The following IFT57 variants were observed in gnomAD, a reference collection of about 807,000 sequenced individuals.
IFT57 encodes the protein intraflagellar transport protein 57 homolog.
Under a neutral mutation model 56.8 loss-of-function variants are expected in IFT57, and 59 were observed. That is an observed-to-expected ratio of 1.04 (90% CI 0.84 to 1.29). The LOEUF is 1.29. Among genes scored for constraint, IFT57 ranks in the 50% most tolerant of loss-of-function variants. The pLI is 0.00. For synonymous variants in IFT57, 209 were observed against 186.1 expected (o/e 1.12, Z -1.00); for missense variants, 470 against 522.1 (o/e 0.90, Z 0.97).
At chr3:108,196,901 A>T (rs2108319824) in intron 5 of IFT57, among the ~76,000 whole-genome samples, 1 of 152,326 alleles carries the variant, frequency 6.6e-6, no homozygotes, top group African/African-American at 2.4e-5. Flanking sequence ...CAAGCCCTAT[A>T]TATAAAGTAT....
rs2080028309 is a variant in IFT57, at chr3:108,160,854, T to C, written c.*1623A>G. The stretch of plus-strand genomic sequence containing the variant: ...TATTCAAGGTATGCACAGTGTTCTA[T>C]AGGAAGAGAGGAGGAGCACAGAACC... On this transcript the variant is annotated 3_prime_UTR_variant, in exon 11 of 11. Coordinates refer to ENST00000264538, the MANE Select transcript of IFT57 (RefSeq NM_018010.4). 6.6e-6 allele frequency: 1 copy of C among 152,198 alleles called. No individual in the cohort carries two copies. Among genetic ancestry groups the C allele is most frequent in the Non-Finnish European group, 1.5e-5 (1 of 68,038 alleles). 9.4% of individuals were successfully genotyped at this position (152,198 alleles called of 1,614,324 possible).
chr3:108,203,648 T>C (rs572449984), intron 5 of IFT57, among the ~76,000 whole-genome samples: 1 of 152,346 alleles, frequency 6.6e-6, no homozygotes, highest in South Asian at 2.1e-4. Context: ...ATTCATACAA[T>C]ATTATTGATT....
chr3:108,200,530 G>T (rs2080272324), intron 5 of IFT57, among the ~76,000 whole-genome samples: 1 of 152,080 alleles, frequency 6.6e-6, no homozygotes, highest in African/African-American at 2.4e-5. Flanking sequence ...ATATAGTCTG[G>T]TACCCATTTA....
At chr3:108,173,669 TG>T (rs2080106716) in intron 6 of IFT57, among the ~76,000 whole-genome samples, 1 of 151,736 alleles carries the variant, frequency 6.6e-6, no homozygotes, top group Admixed American at 6.6e-5. Context: ...AATGGAGGTC[TG>T]GGTGCTCAAA....
intron 5 of IFT57, among the ~76,000 whole-genome samples, chr3:108,198,117 G>T (rs1036157295): frequency 2.6e-5 from 4 of 152,050 alleles, no homozygotes; most frequent in African/African-American, 9.7e-5. Context: ...AGGAAACTGA[G>T]GCACAGAATA....
intron 4 of IFT57, among the ~76,000 whole-genome samples, chr3:108,212,935 C>G (rs1005442750): frequency 1.2e-4 from 19 of 152,080 alleles, no homozygotes; most frequent in African/African-American, 4.1e-4. Context: ...TTTCTGCCAC[C>G]CCTGAGACAA....
chr3:108,163,316 C>T (rs866355613), intron 10 of IFT57, among the ~76,000 whole-genome samples: 1 of 152,012 alleles, frequency 6.6e-6, no homozygotes, highest in Admixed American at 6.6e-5. Flanking sequence ...ATACTTAGTG[C>T]CCTTTTGTAT....
chr3:108,209,796 G>C (rs1424660660), intron 4 of IFT57, among the ~76,000 whole-genome samples: 1 of 152,140 alleles, frequency 6.6e-6, no homozygotes, highest in African/African-American at 2.4e-5. Context: ...TGGTCCTCAG[G>C]CCTTCAGACT....
chr3:108,166,993 T>G lies in IFT57; in HGVS notation c.850-8A>C, dbSNP rs750574348. 1 of 1,603,340 alleles carries G rather than the reference T, an allele frequency of 6.2e-7. No individual in the cohort carries two copies. Among genetic ancestry groups the G allele is most frequent in the Non-Finnish European group, 8.5e-7 (1 of 1,175,234 alleles). ...GAGTTTGTCCAAAAATCCCTAGAAA[T>G]TCCATGGAATTTGCAGATAGAAGAA... is the stretch of plus-strand genomic sequence containing the variant. On this transcript the variant is annotated splice_polypyrimidine_tract_variant and splice_region_variant and intron_variant, in intron 7 of 10. Transcript: ENST00000264538.
chr3:108,222,297 G>A lies in IFT57; in HGVS notation c.26C>T (p.Thr9Met), dbSNP rs2080411197. 1 of 1,613,096 alleles carries A rather than the reference G, an allele frequency of 6.2e-7. No individual in the cohort carries two copies. The highest frequency in any genetic ancestry group is 8.5e-7 in the Non-Finnish European group (1 of 1,179,602). Residue 9 changes from threonine to methionine, a missense_variant, in exon 1 of 11, where the codon ACG becomes ATG. Coordinates refer to ENST00000264538, the MANE Select transcript of IFT57 (RefSeq NM_018010.4). MTAALAVVTTSGLEDGVPR... is the reference protein window; with the variant it reads MTAALAVVMTSGLEDGVPR... The stretch of plus-strand genomic sequence containing the variant: ...CACCCCATCTTCCAAACCCGACGTC[G>A]TGACGACGGCCAGAGCAGCAGTCAT...
chr3:108,161,989 A>G lies in IFT57; in HGVS notation c.*488T>C, dbSNP rs1340444458. ...GATACTGAAGTTTTTTTTAACCTAA[A>G]AAAAGTGGCAATTTTAGGTAACCAT... On this transcript the variant is annotated 3_prime_UTR_variant, in exon 11 of 11. Coordinates refer to ENST00000264538, the MANE Select transcript of IFT57 (RefSeq NM_018010.4). 6.6e-6 allele frequency: 1 copy of G among 152,202 alleles called. No homozygotes were observed. Among genetic ancestry groups the G allele is most frequent in the Non-Finnish European group, 1.5e-5 (1 of 68,074 alleles). The allele number at this position is 152,202 out of a possible 1,614,324, so 9.4% of individuals were successfully genotyped here.
chr3:108,174,157 C>T (rs1480768124), intron 6 of IFT57, among the ~76,000 whole-genome samples: 1 of 150,918 alleles, frequency 6.6e-6, no homozygotes. Context: ...GAAAAAAAGA[C>T]AAAAACCTTC....
chr3:108,165,801 C>A (rs1269138014), intron 8 of IFT57, among the ~76,000 whole-genome samples: 1 of 151,982 alleles, frequency 6.6e-6, no homozygotes, highest in Non-Finnish European at 1.5e-5. Context: ...AGGAGAGGGG[C>A]TCTTGGTCAA....
At chr3:108,175,749 CA>C in intron 6 of IFT57, among the ~76,000 whole-genome samples, 1 of 151,262 alleles carries the variant, frequency 6.6e-6, no homozygotes, top group Non-Finnish European at 1.5e-5. Context: ...ATGGAATTTA[CA>C]TCTATGTATC....
At chr3:108,199,485 GAA>G (rs1289126175) in intron 5 of IFT57, among the ~76,000 whole-genome samples, 3 of 152,158 alleles carry the variant, frequency 2.0e-5, no homozygotes, top group Non-Finnish European at 2.9e-5. Flanking sequence ...ATCAAAATGA[GAA>G]AAGAGTCTAG....
chr3:108,214,103 C>T (rs2080358112), intron 3 of IFT57, 82 bp from the exon 4 acceptor site: 6 of 745,576 alleles, frequency 8.0e-6, no homozygotes. Context: ...ATCATGTCCT[C>T]TATGCCAGGT....
intron 6 of IFT57, among the ~76,000 whole-genome samples, chr3:108,187,389 T>C (rs1363229741): frequency 6.6e-6 from 1 of 152,100 alleles, no homozygotes; most frequent in South Asian, 2.1e-4. Context: ...AAATAAAATA[T>C]TGTTACATGA....
At chr3:108,198,995 T>C (rs2108320678) in intron 5 of IFT57, among the ~76,000 whole-genome samples, 1 of 148,706 alleles carries the variant, frequency 6.7e-6, no homozygotes, top group South Asian at 2.1e-4. Context: ...TTTTCAGACT[T>C]ATAAAAAATT....
At chr3:108,198,806 G>T (rs2080260497) in intron 5 of IFT57, among the ~76,000 whole-genome samples, 1 of 152,094 alleles carries the variant, frequency 6.6e-6, no homozygotes, top group South Asian at 2.1e-4. Context: ...GTTAATTTGG[G>T]TGTAATGTAT....
Sources: allele counts gnomAD v4.1 joint callset (sites outside exome capture counted in the v4.1 genomes callset), GRCh38; gene constraint gnomAD v4.1.1; transcripts MANE v1.5; gene names NCBI Gene and HGNC (gene_info 2026-07-23, HGNC 2026-07-21).